The following MACROD2 variants were observed in gnomAD, a reference collection of about 807,000 sequenced individuals.
MACROD2 encodes the protein mono-ADP ribosylhydrolase 2, also known as ADP-ribose glycohydrolase MACROD2.
Under a neutral mutation model 70.4 loss-of-function variants are expected in MACROD2, and 36 were observed. The observed-to-expected ratio is 0.51, with a 90% confidence interval of 0.39 to 0.68. The LOEUF is 0.68. Ranked by LOEUF, MACROD2 falls within the 30% of genes least tolerant of loss-of-function variation. The pLI is 0.00. For missense variants in MACROD2, 496 were observed against 538.4 expected (o/e 0.92, Z 0.78); for synonymous variants, 172 against 178.8 (o/e 0.96, Z 0.30).
chr20:15,239,141 G>A (rs897462451), intron 6 of MACROD2, among the ~76,000 whole-genome samples: 1 of 151,540 alleles, frequency 6.6e-6, no homozygotes, highest in Non-Finnish European at 1.5e-5. Context: ...ATAGAGCAAA[G>A]GCAATGGCTT....
At position 14,754,241 on chromosome 20, in the gene MACROD2, G is replaced by A. The variant is rs574441382; in HGVS notation, c.418+69282G>A. Among the ~76,000 whole-genome samples the A allele has an allele frequency of 9.5e-4, 144 of 152,098 alleles. 1 individual carries two copies. Among genetic ancestry groups the A allele is most frequent in the South Asian group, 7.3e-3 (35 of 4,814 alleles). On this transcript the variant is annotated intron_variant, in intron 5 of 17. Coordinates refer to ENST00000684519, the MANE Select transcript of MACROD2 (RefSeq NM_001351661.2). ...GATGGACATAGTCTCCACCTTCACC[G>A]GGATGGTTGTTATTGCTTTATTTAA...
intron 5 of MACROD2, among the ~76,000 whole-genome samples, chr20:15,107,319 A>T (rs2075918381): frequency 6.6e-6 from 1 of 152,102 alleles, no homozygotes; most frequent in Non-Finnish European, 1.5e-5. Context: ...TTCAGAAAGT[A>T]ATTTAGTTCT....
intron 5 of MACROD2, among the ~76,000 whole-genome samples, chr20:14,901,280 A>G (rs1304549116): frequency 6.6e-6 from 1 of 152,116 alleles, no homozygotes; most frequent in South Asian, 2.1e-4. Flanking sequence ...TTTACAAATT[A>G]AAAGCTATAG....
chr20:15,052,391 A>C (rs922613702), intron 5 of MACROD2, among the ~76,000 whole-genome samples: 3 of 152,162 alleles, frequency 2.0e-5, no homozygotes, highest in Admixed American at 6.5e-5. Context: ...GAGCAAGCCT[A>C]TTGGCACCAC....
chr20:14,464,008 G>A (rs2084406380), intron 3 of MACROD2, among the ~76,000 whole-genome samples: 1 of 151,826 alleles, frequency 6.6e-6, no homozygotes, highest in African/African-American at 2.4e-5. Flanking sequence ...TTTTTGTTGT[G>A]TCTCTGCCAG....
chr20:15,614,703 G>A (rs1328397485), intron 8 of MACROD2, among the ~76,000 whole-genome samples: 2 of 152,082 alleles, frequency 1.3e-5, no homozygotes, highest in Non-Finnish European at 2.9e-5. Flanking sequence ...AAAGACAGTA[G>A]ACATAAAGAA....
At chr20:14,485,289 G>A (rs549748116) in intron 3 of MACROD2, among the ~76,000 whole-genome samples, 1 of 152,208 alleles carries the variant, frequency 6.6e-6, no homozygotes, top group South Asian at 2.1e-4. Context: ...ATCTCATAGG[G>A]CGTTACATAT....
intron 3 of MACROD2, among the ~76,000 whole-genome samples, chr20:14,305,378 A>G (rs1053142499): frequency 8.5e-5 from 13 of 152,142 alleles, no homozygotes; most frequent in Non-Finnish European, 2.9e-5. Context: ...GTACATATAT[A>G]TAATAATATA....
chr20:14,868,289 G>A (rs2073450091), intron 5 of MACROD2, among the ~76,000 whole-genome samples: 1 of 151,650 alleles, frequency 6.6e-6, no homozygotes, highest in Non-Finnish European at 1.5e-5. Context: ...CTTGGTTCAA[G>A]GGATCCTCCT....
At chr20:14,908,682 A>G (rs1479590064) in intron 5 of MACROD2, among the ~76,000 whole-genome samples, 3 of 152,076 alleles carry the variant, frequency 2.0e-5, no homozygotes, top group Non-Finnish European at 4.4e-5. Context: ...AAAAAAGTGT[A>G]TCTTCAGAGT....
chr20:15,050,438 G>A (rs777186726), intron 5 of MACROD2, among the ~76,000 whole-genome samples: 12 of 150,782 alleles, frequency 8.0e-5, no homozygotes, highest in African/African-American at 1.2e-4. Context: ...AAAAATACTC[G>A]ATACTCATAT....
chr20:14,326,124 G>A lies in MACROD2; in HGVS notation c.272-167355G>A. 6.2e-7 allele frequency: 1 copy of A among 1,613,886 alleles called. No homozygotes were observed. The highest frequency in any genetic ancestry group is 8.5e-7 in the Non-Finnish European group (1 of 1,179,876). On this transcript the variant is annotated intron_variant, in intron 3 of 17. Coordinates refer to ENST00000684519, the MANE Select transcript of MACROD2 (RefSeq NM_001351661.2). This position sits in a 1 kb window ranked among gnomAD's most constrained non-coding sequence, Gnocchi z 5.5. The stretch of plus-strand genomic sequence containing the variant: ...CCAGGGCTGTGACCAAGTACTCACT[G>A]CGTTCCCCTGTTACAATTGTTTCTG...
chr20:15,907,473 G>A (rs2065165009), intron 10 of MACROD2, among the ~76,000 whole-genome samples: 1 of 152,234 alleles, frequency 6.6e-6, no homozygotes, highest in Non-Finnish European at 1.5e-5. Context: ...GTTTCTAAAA[G>A]TGTTAACTCA....
intron 6 of MACROD2, among the ~76,000 whole-genome samples, chr20:15,365,320 A>G (rs112087553): frequency 6.6e-6 from 1 of 152,174 alleles, no homozygotes; most frequent in Non-Finnish European, 1.5e-5. Context: ...AGTAAGCCAC[A>G]AACTTGGAGC....
intron 5 of MACROD2, among the ~76,000 whole-genome samples, chr20:14,965,628 T>A (rs866459099): frequency 0.02 from 1,624 of 81,416 alleles, 30 homozygotes; most frequent in African/African-American, 0.057. Flanking sequence ...GCCCAGCTAA[T>A]TTTTTTTTTT....
chr20:15,894,745 G>A (rs764754792), intron 10 of MACROD2, among the ~76,000 whole-genome samples: 55 of 152,322 alleles, frequency 3.6e-4, no homozygotes, highest in Non-Finnish European at 2.8e-4. Context: ...GATGATCATG[G>A]CCATCGTAGA....
At chr20:14,816,351 TA>T (rs1289279251) in intron 5 of MACROD2, among the ~76,000 whole-genome samples, 2 of 152,044 alleles carry the variant, frequency 1.3e-5, no homozygotes, top group Non-Finnish European at 2.9e-5. Context: ...GTTTAAGAAG[TA>T]AATAATTCCT....
chr20:15,282,515 C>A, intron 6 of MACROD2, among the ~76,000 whole-genome samples: 1 of 152,218 alleles, frequency 6.6e-6, no homozygotes, highest in East Asian at 1.9e-4. Flanking sequence ...TTCCCTAACT[C>A]ATTTCTCTCA....
chr20:14,394,423 G>A (rs2083560437), intron 3 of MACROD2, among the ~76,000 whole-genome samples: 1 of 152,200 alleles, frequency 6.6e-6, no homozygotes, highest in African/African-American at 2.4e-5. Context: ...TTGCTAGCAT[G>A]TAGAAACACA....
Sources: gnomAD v4.1 joint callset for allele counts (sites outside exome capture counted in the v4.1 genomes callset) on GRCh38, gnomAD v4.1.1 for gene constraint, Gnocchi (gnomAD v3.1) non-coding constraint, MANE v1.5 for transcripts, NCBI Gene and HGNC (gene_info 2026-07-23, HGNC 2026-07-21) for gene names.